CELF4: variants seen among roughly 807,000 people sequenced by gnomAD.
The protein encoded by CELF4 is CUG-BP- and ETR-3-like factor 4.
A neutral mutation model predicts 59.9 loss-of-function variants in CELF4; 18 were observed. The ratio of observed to expected loss-of-function variants is 0.30; its 90% CI spans 0.21 to 0.45. The LOEUF (loss-of-function observed/expected upper bound fraction) is 0.45, where lower values mean the gene tolerates loss of function less well. Among genes scored for constraint, CELF4 ranks in the 20% least tolerant of loss-of-function variants. CELF4 has a pLI of 1.00. For missense variants in CELF4, 456 were observed against 689.0 expected (o/e 0.66, Z 3.79); for synonymous variants, 261 against 267.1 (o/e 0.98, Z 0.22).
intron 2 of CELF4, among the ~76,000 whole-genome samples, chr18:37,482,818 C>T (rs2099871834): frequency 6.6e-6 from 1 of 152,190 alleles, no homozygotes; most frequent in African/African-American, 2.4e-5. Context: ...TCACTAGAAA[C>T]AGCATAGACT....
intron 1 of CELF4, among the ~76,000 whole-genome samples, chr18:37,531,777 G>A (rs1310600684): frequency 6.6e-6 from 1 of 152,140 alleles, no homozygotes; most frequent in Non-Finnish European, 1.5e-5. Flanking sequence ...GGATGCAGCT[G>A]AGCATGAGGG....
chr18:37,462,797 T>A (rs1162156944), intron 2 of CELF4, among the ~76,000 whole-genome samples: 2 of 152,268 alleles, frequency 1.3e-5, no homozygotes, highest in East Asian at 3.9e-4. Flanking sequence ...TATGAGGTTT[T>A]TTTTTTTTGC....
intron 3 of CELF4, among the ~76,000 whole-genome samples, chr18:37,278,497 C>T (rs990062310): frequency 6.6e-6 from 1 of 152,174 alleles, no homozygotes; most frequent in Non-Finnish European, 1.5e-5. Flanking sequence ...GTGGGCCAGG[C>T]CCACTGACTC....
chr18:37,282,826 C>T (rs2094313445), intron 3 of CELF4, among the ~76,000 whole-genome samples: 1 of 152,180 alleles, frequency 6.6e-6, no homozygotes, highest in African/African-American at 2.4e-5. Context: ...CGGGCCAGGT[C>T]TCAGGATGGC....
intron 2 of CELF4, among the ~76,000 whole-genome samples, chr18:37,470,872 GTGTGTGTGTGT>G (rs1326334484): frequency 0.031 from 3,670 of 120,050 alleles, 90 homozygotes; most frequent in Non-Finnish European, 0.046. Context: ...GTGTGTGTGT[GTGTGTGTGTGT>G]GTGTGACAGA....
intron 1 of CELF4, among the ~76,000 whole-genome samples, chr18:37,511,170 G>C (rs760070907): frequency 6.6e-6 from 1 of 152,156 alleles, no homozygotes; most frequent in East Asian, 1.9e-4. Flanking sequence ...AAATCCTTGC[G>C]TGTTGGAAGC....
chr18:37,371,225 T>A (rs981691066), intron 2 of CELF4, among the ~76,000 whole-genome samples: 4 of 152,256 alleles, frequency 2.6e-5, no homozygotes, highest in African/African-American at 4.8e-5. Context: ...CTTTAAGTCA[T>A]CTGAAGATTC....
intron 2 of CELF4, among the ~76,000 whole-genome samples, chr18:37,330,526 T>C (rs2097501654): frequency 6.6e-6 from 1 of 152,250 alleles, no homozygotes; most frequent in South Asian, 2.1e-4. Flanking sequence ...GTTGTCAGCA[T>C]AAAATTCTGA....
At chr18:37,359,383 C>T (rs2098662610) in intron 2 of CELF4, among the ~76,000 whole-genome samples, 1 of 152,148 alleles carries the variant, frequency 6.6e-6, no homozygotes, top group African/African-American at 2.4e-5. Context: ...ACTCTGTCAC[C>T]CAGGCTGGAG....
At chr18:37,255,198 G>A (rs1314454644) in intron 11 of CELF4, among the ~76,000 whole-genome samples, 1 of 152,112 alleles carries the variant, frequency 6.6e-6, no homozygotes, top group Non-Finnish European at 1.5e-5. Context: ...TTAGGTATAA[G>A]ACAGAGATGC....
At chr18:37,443,106 C>T (rs1402810529) in intron 2 of CELF4, among the ~76,000 whole-genome samples, 4 of 152,158 alleles carry the variant, frequency 2.6e-5, no homozygotes, top group African/African-American at 9.7e-5. Context: ...AGGGTGAGAA[C>T]CTGACGGGAG....
intron 1 of CELF4, among the ~76,000 whole-genome samples, chr18:37,521,210 T>C (rs559378838): frequency 6.6e-6 from 1 of 152,236 alleles, no homozygotes; most frequent in East Asian, 1.9e-4. Context: ...GTGGAAGAGT[T>C]GGCACTGCTG....
intron 2 of CELF4, among the ~76,000 whole-genome samples, chr18:37,387,913 C>G (rs1183820090): frequency 6.6e-6 from 1 of 152,170 alleles, no homozygotes; most frequent in Non-Finnish European, 1.5e-5. Flanking sequence ...CTCACCTGGC[C>G]TGGGGCTGGG....
intron 2 of CELF4, among the ~76,000 whole-genome samples, chr18:37,434,506 C>T (rs868040672): frequency 1.6e-4 from 24 of 152,160 alleles, no homozygotes; most frequent in Non-Finnish European, 2.6e-4. Flanking sequence ...GCCATCATTT[C>T]CCCTGCCCAA....
At chr18:37,560,408 TATC>T (rs2099986195) in intron 1 of CELF4, among the ~76,000 whole-genome samples, 2 of 152,262 alleles carry the variant, frequency 1.3e-5, no homozygotes, top group African/African-American at 4.8e-5. Context: ...GTAGGACACT[TATC>T]AACATCTGGA....
intron 2 of CELF4, among the ~76,000 whole-genome samples, chr18:37,457,873 C>T (rs919687271): frequency 1.3e-5 from 2 of 152,112 alleles, no homozygotes; most frequent in Admixed American, 6.5e-5. Flanking sequence ...GCATAATATC[C>T]GATGCTCCAA....
intron 12 of CELF4, among the ~76,000 whole-genome samples, chr18:37,249,678 C>T (rs1398738409): frequency 6.6e-6 from 1 of 152,168 alleles, no homozygotes; most frequent in Non-Finnish European, 1.5e-5. Context: ...AGGGTGACCC[C>T]TTCCCGACCA....
intron 1 of CELF4, among the ~76,000 whole-genome samples, chr18:37,525,928 A>G (rs1370700080): frequency 6.6e-6 from 1 of 152,178 alleles, no homozygotes; most frequent in Non-Finnish European, 1.5e-5. Context: ...TCTATTAGAA[A>G]TGCAAATTCT....
intron 2 of CELF4, among the ~76,000 whole-genome samples, chr18:37,406,978 T>C (rs567979294): frequency 1.3e-5 from 2 of 152,190 alleles, no homozygotes; most frequent in South Asian, 4.2e-4. Flanking sequence ...CTATCATCCA[T>C]CCAAGCAAAG....
Sources: gnomAD v4.1 joint callset for allele counts (sites outside exome capture counted in the v4.1 genomes callset) on GRCh38, gnomAD v4.1.1 for gene constraint, MANE v1.5 for transcripts, NCBI Gene and HGNC (gene_info 2026-07-23, HGNC 2026-07-21) for gene names.